Variants in SND1 observed in about 807,000 individuals in gnomAD.
SND1 encodes the protein staphylococcal nuclease domain-containing protein 1.
SND1 carries 38 observed loss-of-function variants against 121.7 expected under a neutral mutation model. That is an observed-to-expected ratio of 0.31 (90% CI 0.24 to 0.41). The LOEUF is 0.41. Among genes scored for constraint, SND1 ranks in the 10% least tolerant of loss-of-function variants. The pLI, the probability that SND1 is intolerant of heterozygous loss-of-function variation, is 1.00. For synonymous variants in SND1, 401 were observed against 447.4 expected (o/e 0.90, Z 1.31); for missense variants, 868 against 1,184.6 (o/e 0.73, Z 3.92).
rs769258667 is a variant in SND1 at position 127,686,608 on chromosome 7, C to T, written c.79-5C>T. On this transcript the variant is annotated splice_polypyrimidine_tract_variant and splice_region_variant and intron_variant, in intron 1 of 23. Transcript: ENST00000354725. ...ATTCATTTTCTCTTTCTTCCCCCTA[C>T]GTAGGTCCTCTCAGGGTGCGCCATC... 10 of 1,613,212 alleles carry T rather than the reference C, an allele frequency of 6.2e-6. No individual in the cohort carries two copies. Among genetic ancestry groups the T allele is most frequent in the Admixed American group, 3.3e-5 (2 of 59,978 alleles).
At position 128,092,093 on chromosome 7, in the gene SND1, C is replaced by T. The variant is rs201585166; in HGVS notation, c.*35C>T. 1.1e-5 allele frequency: 17 copies of T among 1,606,782 alleles called. No individual in the cohort carries two copies. The highest frequency in any genetic ancestry group is 1.7e-4 in the Middle Eastern group (1 of 6,042). ...CGGGTTTGGCCCCCAGCCCCGCTCA[C>T]GCCAGTCCCTCTTCCTCTGCCGGGA... On this transcript the variant is annotated 3_prime_UTR_variant, in exon 24 of 24. Transcript: ENST00000354725. The surrounding 1 kb of genome is among the most constrained non-coding windows in gnomAD (Gnocchi z 4.9).
chr7:127,866,273 C>A (rs1038607910), intron 12 of SND1, among the ~76,000 whole-genome samples: 1 of 152,128 alleles, frequency 6.6e-6, no homozygotes, highest in Non-Finnish European at 1.5e-5. Context: ...AGGGAATATT[C>A]CAGATGTGCT....
intron 11 of SND1, among the ~76,000 whole-genome samples, chr7:127,837,335 A>T (rs1798885445): frequency 6.6e-6 from 1 of 152,234 alleles, no homozygotes; most frequent in Admixed American, 6.5e-5. Flanking sequence ...AAAAGATCTC[A>T]ACACTTTTAT....
At chr7:128,024,797 T>TA (rs1279291904) in intron 16 of SND1, among the ~76,000 whole-genome samples, 1 of 152,132 alleles carries the variant, frequency 6.6e-6, no homozygotes, top group African/African-American at 2.4e-5. Flanking sequence ...GCATGGCACT[T>TA]AAAGAGTTAG....
intron 12 of SND1, 84 bp downstream of exon 12, chr7:127,844,508 A>G: frequency 9.0e-7 from 1 of 1,112,222 alleles, no homozygotes. Context: ...CCTTCCTTTC[A>G]CTCTGCTTTG....
intron 10 of SND1, among the ~76,000 whole-genome samples, chr7:127,723,093 A>G (rs1454890509): frequency 1.3e-5 from 2 of 152,208 alleles, no homozygotes; most frequent in Non-Finnish European, 2.9e-5. Flanking sequence ...CAGCCAGTGC[A>G]TTATGTTAAT....
chr7:127,817,181 T>G (rs139587482), intron 11 of SND1, among the ~76,000 whole-genome samples: 3 of 152,280 alleles, frequency 2.0e-5, no homozygotes, highest in African/African-American at 7.2e-5. Flanking sequence ...TATAAGAAGT[T>G]GAATAAGAAC....
At chr7:127,937,351 A>G (rs1267433393) in intron 15 of SND1, among the ~76,000 whole-genome samples, 2 of 152,158 alleles carry the variant, frequency 1.3e-5, no homozygotes, top group Admixed American at 6.5e-5. Flanking sequence ...CCAGTTACCT[A>G]TTCATATGAA....
chr7:127,803,980 G>A (rs1211598462), intron 10 of SND1, among the ~76,000 whole-genome samples: 3 of 152,124 alleles, frequency 2.0e-5, no homozygotes, highest in Admixed American at 1.3e-4. Flanking sequence ...ATCCACCCAC[G>A]AGTTTATGAA....
chr7:127,738,758 A>G (rs2116428862), intron 10 of SND1, among the ~76,000 whole-genome samples: 1 of 152,236 alleles, frequency 6.6e-6, no homozygotes, highest in African/African-American at 2.4e-5. Flanking sequence ...GGAACCTAGG[A>G]GACCAGGGGA....
At chr7:127,734,038 A>G (rs1796728732) in intron 10 of SND1, among the ~76,000 whole-genome samples, 1 of 151,988 alleles carries the variant, frequency 6.6e-6, no homozygotes, top group Non-Finnish European at 1.5e-5. Context: ...ACCGTTCTAG[A>G]TTGTTGCTCT....
intron 16 of SND1, chr7:128,030,082 T>C (rs1185680141): frequency 6.2e-7 from 1 of 1,613,502 alleles, no homozygotes; most frequent in Non-Finnish European, 8.5e-7. Flanking sequence ...CCCTCAGAGA[T>C]ATACTCCAGC....
intron 11 of SND1, among the ~76,000 whole-genome samples, chr7:127,833,077 G>C (rs142099922): frequency 3.2e-4 from 48 of 152,194 alleles, no homozygotes; most frequent in African/African-American, 1.1e-3. Context: ...ACTCTTTTCA[G>C]AATGTAAGAA....
At chr7:127,899,947 C>T (rs1410308624) in intron 13 of SND1, among the ~76,000 whole-genome samples, 1 of 152,178 alleles carries the variant, frequency 6.6e-6, no homozygotes, top group Non-Finnish European at 1.5e-5. Context: ...AAGGAAGTTA[C>T]AGATGAGGAG....
intron 16 of SND1, among the ~76,000 whole-genome samples, chr7:127,996,228 C>A (rs374901447): frequency 2.0e-4 from 30 of 152,104 alleles, no homozygotes; most frequent in African/African-American, 7.2e-4. Context: ...GGAATGTGGC[C>A]TCAGCCATGA....
intron 11 of SND1, among the ~76,000 whole-genome samples, chr7:127,843,911 C>A (rs1308866208): frequency 6.6e-6 from 1 of 152,172 alleles, no homozygotes; most frequent in Non-Finnish European, 1.5e-5. Context: ...TGTCAGTGTT[C>A]TGAATTTTGA....
intron 10 of SND1, among the ~76,000 whole-genome samples, chr7:127,725,058 A>C (rs977008601): frequency 1.3e-5 from 2 of 152,244 alleles, no homozygotes; most frequent in Non-Finnish European, 2.9e-5. Flanking sequence ...TCTTATAAAG[A>C]ATACAAGATC....
At chr7:127,685,123 G>A (rs1359707078) in intron 1 of SND1, among the ~76,000 whole-genome samples, 2 of 152,104 alleles carry the variant, frequency 1.3e-5, no homozygotes, top group African/African-American at 2.4e-5. Context: ...TTGGGTGGTG[G>A]TTGCTCAGAT....
chr7:127,942,987 T>G lies in SND1; in HGVS notation c.1669+13658T>G, dbSNP rs73455719. On this transcript the variant is annotated intron_variant, in intron 15 of 23. Transcript: ENST00000354725. ...TTCTGAGCCTCTTACGTGGATCCATTTCATGCTATGAGGTTGGCCTCACAG... is the reference window on the plus strand; with the variant it reads ...TTCTGAGCCTCTTACGTGGATCCATGTCATGCTATGAGGTTGGCCTCACAG... Among the ~76,000 whole-genome samples, 277 of 152,280 alleles carry G rather than the reference T, an allele frequency of 1.8e-3. 1 individual carries two copies. The highest frequency in any genetic ancestry group is 5.8e-3 in the African/African-American group (243 of 41,562).
Sources: gnomAD v4.1 joint callset for allele counts (sites outside exome capture counted in the v4.1 genomes callset) on GRCh38, gnomAD v4.1.1 for gene constraint, Gnocchi (gnomAD v3.1) non-coding constraint, MANE v1.5 for transcripts, NCBI Gene and HGNC (gene_info 2026-07-23, HGNC 2026-07-21) for gene names.